ISM1: variants seen among roughly 807,000 people sequenced by gnomAD.
The protein encoded by ISM1 is isthmin-1.
A neutral mutation model predicts 46.3 loss-of-function variants in ISM1; 25 were observed. The observed-to-expected ratio is 0.54, with a 90% CI of 0.39 to 0.75. The LOEUF (loss-of-function observed/expected upper bound fraction) is 0.75, where lower values mean the gene tolerates loss of function less well. ISM1 is among the 30% of genes least tolerant of loss of function. The pLI is 0.00. For missense variants in ISM1, 536 were observed against 625.4 expected (o/e 0.86, Z 1.52); for synonymous variants, 255 against 256.7 (o/e 0.99, Z 0.06).
intron 1 of ISM1, among the ~76,000 whole-genome samples, chr20:13,234,363 T>A (rs2039623976): frequency 6.6e-6 from 1 of 152,230 alleles, no homozygotes; most frequent in African/African-American, 2.4e-5. Context: ...TGATGGACAT[T>A]TAGGTTGATT....
intron 1 of ISM1, chr20:13,244,399 A>C (rs1219684518): frequency 6.6e-6 from 1 of 152,050 alleles, no homozygotes; most frequent in East Asian, 1.9e-4. Context: ...AAAAAAAAAA[A>C]AACCAGCATA....
intron 1 of ISM1, among the ~76,000 whole-genome samples, chr20:13,232,879 T>C (rs1201674050): frequency 6.6e-6 from 1 of 152,232 alleles, no homozygotes; most frequent in Non-Finnish European, 1.5e-5. Flanking sequence ...GAGAAGATAC[T>C]GTCTCCTTAG....
the ISM1 span, among the ~76,000 whole-genome samples, chr20:13,316,610 T>G: frequency 6.6e-6 from 1 of 151,874 alleles, no homozygotes; most frequent in Admixed American, 6.6e-5. Context: ...GGATTTATCC[T>G]AGATATGCAA....
At chr20:13,225,873 T>A (rs1175899197) in intron 1 of ISM1, among the ~76,000 whole-genome samples, 1 of 152,164 alleles carries the variant, frequency 6.6e-6, no homozygotes, top group Non-Finnish European at 1.5e-5. Context: ...AAAACATACA[T>A]AGATATGGAT....
rs892044238 is a variant in ISM1 at position 13,279,844 on chromosome 20, G to A, written c.589G>A (p.Asp197Asn). 19 of 1,613,720 alleles carry A rather than the reference G, an allele frequency of 1.2e-5. 1 individual carries two copies. The highest frequency in any genetic ancestry group is 1.6e-4 in the Middle Eastern group (1 of 6,082). Reference protein sequence around the residue: ...SNFLNPPRGWDHTAPGHRTFE... With the variant: ...SNFLNPPRGWNHTAPGHRTFE... ...CTTCCTCAACCCCCCCAGGGGGTGG[G>A]ACCATACAGCCCCAGGCCACCGGAC... Residue 197 changes from aspartate to asparagine, a missense_variant, in exon 3 of 6, where the codon GAC (aspartate) becomes AAC (asparagine). Physicochemically the swap from Asp to Asn is conservative, Grantham distance 23. This residue lies in a region of ISM1 where 367 missense variants were observed against 376.1 expected (regional missense o/e 0.98). Coordinates refer to ENST00000262487, the MANE Select transcript of ISM1 (RefSeq NM_080826.2).
At chr20:13,281,234 C>A (rs945875356) in intron 3 of ISM1, among the ~76,000 whole-genome samples, 3 of 152,118 alleles carry the variant, frequency 2.0e-5, no homozygotes, top group Non-Finnish European at 4.4e-5. Flanking sequence ...ATCTGTGGAC[C>A]AAGGGAGAAA....
intron 4 of ISM1, among the ~76,000 whole-genome samples, chr20:13,291,299 G>T (rs1050019245): frequency 6.6e-6 from 1 of 152,098 alleles, no homozygotes; most frequent in African/African-American, 2.4e-5. Flanking sequence ...GTAACATGAA[G>T]GATTTCGTTT....
chr20:13,300,628 A>G lies in ISM1; in HGVS notation c.*1169A>G, dbSNP rs947716016. The stretch of plus-strand genomic sequence containing the variant: ...GCAAAATTCTAGTAAAAGAGAGTAT[A>G]TAATAAAATCATAATAAAAGGTGTT... On this transcript the variant is annotated 3_prime_UTR_variant, in exon 6 of 6. Transcript: ENST00000262487. The G allele has an allele frequency of 6.0e-4, 92 of 152,352 alleles. No homozygotes were observed. Among genetic ancestry groups the G allele is most frequent in the African/African-American group, 2.1e-3 (88 of 41,580 alleles). The allele number at this position is 152,352 out of a possible 1,614,324, so 9.4% of individuals were successfully genotyped here. A position where few individuals can be genotyped will look rare whatever the true frequency, so the allele number is the denominator to read the frequency against.
chr20:13,225,245 G>A (rs1273316391), intron 1 of ISM1, among the ~76,000 whole-genome samples: 9 of 152,070 alleles, frequency 5.9e-5, no homozygotes, highest in African/African-American at 2.2e-4. Context: ...TAGGTAATTT[G>A]CCCAAGGTTG....
the ISM1 span, among the ~76,000 whole-genome samples, chr20:13,325,204 C>T: frequency 3.9e-5 from 6 of 152,162 alleles, no homozygotes; most frequent in African/African-American, 9.7e-5. Flanking sequence ...TCCCTTCTCA[C>T]GAGAAACGCA....
intron 1 of ISM1, among the ~76,000 whole-genome samples, chr20:13,256,138 G>C (rs2123207717): frequency 6.6e-6 from 1 of 152,230 alleles, no homozygotes; most frequent in East Asian, 1.9e-4. Flanking sequence ...GCTCATGCCT[G>C]TTATCCCAGC....
At chr20:13,284,252 C>T (rs941094297) in intron 3 of ISM1, among the ~76,000 whole-genome samples, 2 of 152,188 alleles carry the variant, frequency 1.3e-5, no homozygotes, top group Non-Finnish European at 2.9e-5. Flanking sequence ...ACTTCAGTTG[C>T]CCCACCACTA....
chr20:13,274,539 G>A (rs1244903272), intron 2 of ISM1, among the ~76,000 whole-genome samples: 1 of 152,018 alleles, frequency 6.6e-6, no homozygotes, highest in Non-Finnish European at 1.5e-5. Context: ...CTTCCCCTCC[G>A]CACCTCCCCA....
At position 13,279,911 on chromosome 20, in the gene ISM1, C is replaced by T. The variant is rs2123282306; in HGVS notation, c.643+13C>T. 2 of 1,608,910 alleles carry T rather than the reference C, an allele frequency of 1.2e-6. No individual in the cohort carries two copies. The highest frequency in any genetic ancestry group is 1.1e-5 in the South Asian group (1 of 90,910). On this transcript the variant is annotated intron_variant, in intron 3 of 5. Coordinates refer to ENST00000262487, the MANE Select transcript of ISM1 (RefSeq NM_080826.2). Reference sequence around the variant, plus strand: ...CAGCCAGAATATGGTGAGTTTACCACCTAGTAATATAAAATTGGTGGGAAG... The same window carrying T: ...CAGCCAGAATATGGTGAGTTTACCATCTAGTAATATAAAATTGGTGGGAAG...
At chr20:13,255,841 A>G (rs1238072380) in intron 1 of ISM1, among the ~76,000 whole-genome samples, 1 of 152,070 alleles carries the variant, frequency 6.6e-6, no homozygotes, top group Non-Finnish European at 1.5e-5. Context: ...GCCCCTGCCT[A>G]TCAGGCTTTG....
intron 1 of ISM1, among the ~76,000 whole-genome samples, chr20:13,260,859 G>A (rs1325299904): frequency 6.6e-6 from 1 of 152,184 alleles, no homozygotes; most frequent in African/African-American, 2.4e-5. Flanking sequence ...TGGGTCAGCA[G>A]GGTGGCTCTC....
intron 3 of ISM1, among the ~76,000 whole-genome samples, chr20:13,282,713 G>A (rs2040250673): frequency 6.6e-6 from 1 of 152,200 alleles, no homozygotes; most frequent in Admixed American, 6.5e-5. Context: ...TATAAATAAA[G>A]TCGTGTTCTG....
intron 1 of ISM1, among the ~76,000 whole-genome samples, chr20:13,261,861 C>T (rs2123224061): frequency 6.6e-6 from 1 of 152,322 alleles, no homozygotes; most frequent in Non-Finnish European, 1.5e-5. Context: ...CCATCCATGT[C>T]CTTTGGCTTA....
At chr20:13,275,167 C>A (rs879813304) in intron 2 of ISM1, among the ~76,000 whole-genome samples, 31 of 152,108 alleles carry the variant, frequency 2.0e-4, no homozygotes, top group Admixed American at 9.2e-4. Context: ...TTCATTTCAA[C>A]CCATATATTT....
Sources: allele counts gnomAD v4.1 joint callset (sites outside exome capture counted in the v4.1 genomes callset), GRCh38; gene constraint gnomAD v4.1.1; regional missense constraint gnomAD v4.1.1; transcripts MANE v1.5; gene names NCBI Gene and HGNC (gene_info 2026-07-23, HGNC 2026-07-21).